The following SH3RF3 variants were observed in gnomAD, a reference collection of about 807,000 sequenced individuals.
SH3RF3 encodes SH3 domain containing ring finger 3, also known as E3 ubiquitin-protein ligase SH3RF3.
A neutral mutation model predicts 66.3 loss-of-function variants in SH3RF3; 29 were observed. The ratio of observed to expected loss-of-function variants is 0.44; its 90% CI spans 0.33 to 0.60. The LOEUF is 0.60. Among genes scored for constraint, SH3RF3 ranks in the 20% least tolerant of loss-of-function variants. SH3RF3 has a pLI of 0.04. For missense variants in SH3RF3, 1,194 were observed against 1,190.9 expected (o/e 1.00, Z -0.04); for synonymous variants, 583 against 532.0 (o/e 1.10, Z -1.32).
chr2:109,236,355 C>T (rs1043835482), intron 1 of SH3RF3, among the ~76,000 whole-genome samples: 7 of 152,132 alleles, frequency 4.6e-5, no homozygotes, highest in East Asian at 3.9e-4. Flanking sequence ...AGTGTGCGAG[C>T]ATCCCAGTGA....
intron 5 of SH3RF3, 30 bp from the exon 6 acceptor site, chr2:109,432,471 A>G (rs1204092213): frequency 6.2e-7 from 1 of 1,611,048 alleles, no homozygotes; most frequent in South Asian, 1.1e-5. Flanking sequence ...GAGGGCTCCC[A>G]CTGACACTGG....
At chr2:109,469,426 G>A (rs1678444961) in intron 8 of SH3RF3, among the ~76,000 whole-genome samples, 1 of 152,170 alleles carries the variant, frequency 6.6e-6, no homozygotes, top group Non-Finnish European at 1.5e-5. Context: ...GCATGCATCC[G>A]CTGCTCTGTC....
At chr2:109,369,043 A>G (rs1054231699) in intron 2 of SH3RF3, among the ~76,000 whole-genome samples, 18 of 152,144 alleles carry the variant, frequency 1.2e-4, no homozygotes, top group African/African-American at 3.9e-4. Flanking sequence ...CGTGGTGTTT[A>G]GAAAAGCCCT....
At chr2:109,393,065 C>T (rs1426148320) in intron 3 of SH3RF3, among the ~76,000 whole-genome samples, 1 of 152,160 alleles carries the variant, frequency 6.6e-6, no homozygotes, top group Non-Finnish European at 1.5e-5. Context: ...TCTTGCCTGC[C>T]CGTCTCAGTG....
At position 109,473,856 on chromosome 2, in the gene SH3RF3, G is replaced by A. The variant is rs144801431; in HGVS notation, c.2149-16749G>A. Among the ~76,000 whole-genome samples, 9 of 152,068 alleles carry A rather than the reference G, an allele frequency of 5.9e-5. No individual in the cohort carries two copies. In the East Asian group the frequency reaches 9.8e-4, roughly 17 times the overall value. On this transcript the variant is annotated intron_variant, in intron 8 of 9. Transcript: ENST00000309415. The stretch of plus-strand genomic sequence containing the variant: ...CTCTTTTTTGGGGTGTCCCTGAACC[G>A]CTCTCCTTGTGCCCCTGAACCGCTC...
chr2:109,152,237 G>A (rs1677239070), intron 1 of SH3RF3, among the ~76,000 whole-genome samples: 1 of 152,226 alleles, frequency 6.6e-6, no homozygotes, highest in South Asian at 2.1e-4. Context: ...CATTTTCCGA[G>A]GTGACAGGCA....
At chr2:109,497,570 G>A (rs76367730) in intron 9 of SH3RF3, among the ~76,000 whole-genome samples, 26,253 of 152,192 alleles carry the variant, frequency 0.17, 2,321 homozygotes, top group Middle Eastern at 0.25. Context: ...ACGCACAGTT[G>A]TGACCTGGGA....
intron 8 of SH3RF3, among the ~76,000 whole-genome samples, chr2:109,477,232 C>T (rs558528803): frequency 2.0e-5 from 3 of 152,220 alleles, no homozygotes; most frequent in Non-Finnish European, 1.5e-5. Context: ...CACACCCTCA[C>T]GTGGTGACTG....
chr2:109,294,114 C>T (rs1389060112), intron 1 of SH3RF3, among the ~76,000 whole-genome samples: 2 of 152,208 alleles, frequency 1.3e-5, no homozygotes, highest in Non-Finnish European at 2.9e-5. Context: ...TTTATGATTG[C>T]TCCTTGGGCC....
intron 1 of SH3RF3, among the ~76,000 whole-genome samples, chr2:109,173,519 A>G (rs1677838859): frequency 6.6e-6 from 1 of 152,114 alleles, no homozygotes; most frequent in Non-Finnish European, 1.5e-5. Flanking sequence ...CCTGCAGGCT[A>G]TGTATTGTCT....
intron 1 of SH3RF3, among the ~76,000 whole-genome samples, chr2:109,161,433 C>T (rs1402432848): frequency 1.3e-5 from 2 of 152,088 alleles, no homozygotes; most frequent in African/African-American, 2.4e-5. Context: ...TGTGATGCTT[C>T]CTGATGGTCT....
chr2:109,424,372 T>C (rs563529094), intron 5 of SH3RF3, among the ~76,000 whole-genome samples: 1 of 152,332 alleles, frequency 6.6e-6, no homozygotes, highest in African/African-American at 2.4e-5. Flanking sequence ...AGGCTGGGCA[T>C]CCCTGGACCC....
intron 5 of SH3RF3, among the ~76,000 whole-genome samples, chr2:109,429,020 G>C (rs1677116859): frequency 6.6e-6 from 1 of 152,202 alleles, no homozygotes; most frequent in African/African-American, 2.4e-5. Context: ...GTCCTGACAG[G>C]ACTCAACTCA....
intron 1 of SH3RF3, among the ~76,000 whole-genome samples, chr2:109,167,040 T>C (rs1424927648): frequency 6.6e-6 from 1 of 152,100 alleles, no homozygotes; most frequent in Non-Finnish European, 1.5e-5. Flanking sequence ...CTCATCGGTG[T>C]CCCGTGGGAA....
intron 1 of SH3RF3, among the ~76,000 whole-genome samples, chr2:109,254,571 G>C (rs1306963676): frequency 6.6e-6 from 1 of 152,182 alleles, no homozygotes; most frequent in African/African-American, 2.4e-5. Flanking sequence ...ATTAAAACTT[G>C]AGGCACATGT....
chr2:109,341,647 C>T (rs1033851238), intron 1 of SH3RF3, among the ~76,000 whole-genome samples: 1 of 152,174 alleles, frequency 6.6e-6, no homozygotes, highest in Admixed American at 6.5e-5. Flanking sequence ...TCTGCAAGGT[C>T]ACCCCAAGAC....
chr2:109,492,556 C>A (rs1394567352), intron 9 of SH3RF3, among the ~76,000 whole-genome samples: 1 of 152,192 alleles, frequency 6.6e-6, no homozygotes, highest in African/African-American at 2.4e-5. Flanking sequence ...TATGTTTCCC[C>A]AAGCGCTACA....
At chr2:109,473,869 C>T (rs1370763100) in intron 8 of SH3RF3, among the ~76,000 whole-genome samples, 3 of 152,012 alleles carry the variant, frequency 2.0e-5, no homozygotes, top group Non-Finnish European at 2.9e-5. Flanking sequence ...CTCCTTGTGC[C>T]CCTGAACCGC....
chr2:109,255,521 C>T (rs979848413), intron 1 of SH3RF3, among the ~76,000 whole-genome samples: 7 of 152,186 alleles, frequency 4.6e-5, no homozygotes, highest in African/African-American at 1.7e-4. Flanking sequence ...GCAAAATTAG[C>T]AAATAACCCC....
Sources: allele counts gnomAD v4.1 joint callset (sites outside exome capture counted in the v4.1 genomes callset), GRCh38; gene constraint gnomAD v4.1.1; transcripts MANE v1.5; gene names NCBI Gene and HGNC (gene_info 2026-07-23, HGNC 2026-07-21).